METTL21A: variants seen among roughly 807,000 people sequenced by gnomAD.
METTL21A encodes the protein methyltransferase 21A, HSPA lysine, also known as protein N-lysine methyltransferase METTL21A.
In METTL21A, 22 loss-of-function variants were observed where a neutral mutation model predicts 20.9. The observed-to-expected ratio is 1.05, with a 90% CI of 0.75 to 1.50. METTL21A has a LOEUF of 1.50. Among genes scored for constraint, METTL21A ranks in the 40% most tolerant of loss-of-function variants. METTL21A has a pLI of 0.00. For missense variants in METTL21A, 271 were observed against 266.8 expected, an observed-to-expected ratio of 1.02 and a Z score of -0.11; for synonymous variants, 93 against 102.0, an observed-to-expected ratio of 0.91 and a Z score of 0.53.
chr2:207,588,552 C>T lies in METTL21A; in HGVS notation c.260-6392G>A, dbSNP rs1020807521. Among the ~76,000 whole-genome samples, 6 of 152,196 alleles carry T rather than the reference C, an allele frequency of 3.9e-5. No individual in the cohort carries two copies. In the East Asian group the frequency reaches 7.7e-4, roughly 20 times the overall value. On this transcript the variant is annotated intron_variant, in intron 3 of 3. Coordinates refer to the METTL21A transcript ENST00000425132. ...TTTATAATCCGCTTGTTGATGTCTACGGAAAGTGTGCTAGAATTTTAGTTA... is the reference window on the plus strand; with the variant it reads ...TTTATAATCCGCTTGTTGATGTCTATGGAAAGTGTGCTAGAATTTTAGTTA...
intron 3 of METTL21A, among the ~76,000 whole-genome samples, chr2:207,588,623 T>C (rs1170030235): frequency 6.6e-6 from 1 of 152,172 alleles, no homozygotes; most frequent in East Asian, 1.9e-4. Flanking sequence ...AGTCACATCT[T>C]AGCAATACTT....
At chr2:207,622,047 A>G in intron 2 of METTL21A, 130 bp from the exon 3 acceptor site, 2 of 750,650 alleles carry the variant, frequency 2.7e-6, no homozygotes, top group Non-Finnish European at 4.6e-6. Context: ...CACACACAGG[A>G]ACTTAGCTGG....
At chr2:207,587,724 T>C (rs2084148531) in intron 3 of METTL21A, among the ~76,000 whole-genome samples, 1 of 152,110 alleles carries the variant, frequency 6.6e-6, no homozygotes, top group South Asian at 2.1e-4. Flanking sequence ...TTCTCACTCA[T>C]GTGGGAGCTA....
chr2:207,612,963 C>T, exon 4 of METTL21A: 5 of 1,378,872 alleles, frequency 3.6e-6, no homozygotes, highest in Non-Finnish European at 4.9e-6. Flanking sequence ...TACAGTAAGA[C>T]ATTTCATTAA....
At chr2:207,607,423 C>T (rs1173745723), downstream of METTL21A, among the ~76,000 whole-genome samples, 1 of 150,614 alleles carries the variant, frequency 6.6e-6, no homozygotes, top group African/African-American at 2.5e-5. Flanking sequence ...AGAAAGAAAA[C>T]GATATATGGA....
chr2:207,581,654 G>C, downstream of METTL21A: 1 of 433,580 alleles, frequency 2.3e-6, no homozygotes, highest in Non-Finnish European at 4.1e-6. Context: ...TAAAAATACA[G>C]AGTTCCGGAT....
chr2:207,593,200 A>C (rs1002917186), intron 3 of METTL21A, among the ~76,000 whole-genome samples: 1 of 152,070 alleles, frequency 6.6e-6, no homozygotes, highest in South Asian at 2.1e-4. Context: ...CACCATTCCT[A>C]TTAGAGCCTT....
chr2:207,587,354 C>T (rs1308320947), intron 3 of METTL21A, among the ~76,000 whole-genome samples: 1 of 150,900 alleles, frequency 6.6e-6, no homozygotes, highest in Non-Finnish European at 1.5e-5. Context: ...GATCGCACCA[C>T]CGCACTACAG....
At chr2:207,614,828 G>C (rs963118218) in intron 3 of METTL21A, among the ~76,000 whole-genome samples, 1 of 152,146 alleles carries the variant, frequency 6.6e-6, no homozygotes, top group Non-Finnish European at 1.5e-5. Flanking sequence ...CTTTACTTCT[G>C]ACCCCAGAAA....
At chr2:207,601,073 A>C (rs1444229437) in intron 3 of METTL21A, 2 of 187,768 alleles carry the variant, frequency 1.1e-5, no homozygotes, top group African/African-American at 4.7e-5. Flanking sequence ...TCTTGAATTA[A>C]AGTGAGTTTT....
downstream of METTL21A, among the ~76,000 whole-genome samples, chr2:207,604,628 T>G (rs1045603290): frequency 1.3e-5 from 2 of 152,214 alleles, no homozygotes; most frequent in Non-Finnish European, 2.9e-5. Flanking sequence ...AATTAACTTT[T>G]TAAGTGAACA....
chr2:207,613,809 T>G (rs1339424636), intron 3 of METTL21A, among the ~76,000 whole-genome samples: 1 of 151,800 alleles, frequency 6.6e-6, no homozygotes, highest in African/African-American at 2.4e-5. Context: ...CATGGCCAAC[T>G]AAAAATACAA....
downstream of METTL21A, among the ~76,000 whole-genome samples, chr2:207,607,348 T>C (rs1416309417): frequency 3.3e-5 from 5 of 151,456 alleles, no homozygotes; most frequent in Non-Finnish European, 5.9e-5. Flanking sequence ...ATCACACCAC[T>C]GCACTCCACT....
chr2:207,602,551 G>A (rs1289223513), intron 3 of METTL21A: 1 of 210,422 alleles, frequency 4.8e-6, no homozygotes, highest in Non-Finnish European at 9.6e-6. Flanking sequence ...AGAAGTGAGA[G>A]TAAATCTGAG....
intron 3 of METTL21A, chr2:207,599,345 C>A: frequency 4.9e-6 from 1 of 203,718 alleles, no homozygotes; most frequent in Non-Finnish European, 1.0e-5. Context: ...AATGTCGAAT[C>A]GAACATTTTG....
intron 3 of METTL21A, chr2:207,615,618 C>G (rs2089595997): frequency 6.6e-6 from 1 of 151,424 alleles, no homozygotes; most frequent in South Asian, 2.1e-4. Flanking sequence ...ATTGCTTGAA[C>G]CTAGGAGGTG....
chr2:207,605,979 G>C (rs1015995924), downstream of METTL21A, among the ~76,000 whole-genome samples: 2 of 152,164 alleles, frequency 1.3e-5, no homozygotes, highest in African/African-American at 4.8e-5. Context: ...AAAATTAGAA[G>C]TGGCACAGAC....
intron 3 of METTL21A, chr2:207,599,435 GGC>G (rs1222654107): frequency 5.0e-6 from 1 of 199,726 alleles, no homozygotes; most frequent in Non-Finnish European, 1.0e-5. Flanking sequence ...CAAAAGTTCA[GGC>G]TTTCTACTTA....
At chr2:207,582,081 C>T (rs2083037472) in exon 4 of METTL21A, 1 of 702,388 alleles carries the variant, frequency 1.4e-6, no homozygotes, top group East Asian at 2.7e-5. Flanking sequence ...AAAGTGCTGT[C>T]CAGGTGTCTC....
Sources: gnomAD v4.1 joint callset for allele counts (sites outside exome capture counted in the v4.1 genomes callset) on GRCh38, gnomAD v4.1.1 for gene constraint, MANE v1.5 for transcripts, NCBI Gene and HGNC (gene_info 2026-07-23, HGNC 2026-07-21) for gene names.